Variants in SIRPA observed in about 807,000 individuals in gnomAD.
The protein encoded by SIRPA is tyrosine-protein phosphatase non-receptor type substrate 1.
In SIRPA, 9 loss-of-function variants were observed where a neutral mutation model predicts 50.3. That is an observed-to-expected ratio of 0.18 (90% CI 0.11 to 0.31). The LOEUF (loss-of-function observed/expected upper bound fraction) is 0.31, where lower values mean the gene tolerates loss of function less well. Ranked by LOEUF, SIRPA falls within the 10% of genes least tolerant of loss-of-function variation. The probability of loss-of-function intolerance (pLI) is 1.00; values close to 1 mark genes in which losing one functional copy is unlikely to be tolerated. For synonymous variants in SIRPA, 265 were observed against 284.1 expected, an observed-to-expected ratio of 0.93 and a Z score of 0.68; for missense variants, 474 against 661.6, an observed-to-expected ratio of 0.72 and a Z score of 3.11.
At chr20:1,926,832 C>G (rs1285132355) in intron 5 of SIRPA, among the ~76,000 whole-genome samples, 1 of 152,212 alleles carries the variant, frequency 6.6e-6, no homozygotes, top group East Asian at 1.9e-4. Flanking sequence ...CTAGACCCCC[C>G]TTCTCCCTCA....
chr20:1,908,494 C>G (rs942695150), intron 1 of SIRPA, among the ~76,000 whole-genome samples: 2 of 152,114 alleles, frequency 1.3e-5, no homozygotes, highest in African/African-American at 4.8e-5. Flanking sequence ...TTCACATGCC[C>G]ACGCCCATGA....
At chr20:1,900,103 CTTT>C (rs11481009) in intron 1 of SIRPA, among the ~76,000 whole-genome samples, 2 of 127,186 alleles carry the variant, frequency 1.6e-5, no homozygotes, top group African/African-American at 6.1e-5. Context: ...TTTTTTTTTT[CTTT>C]TTTTTTTTTT....
intron 1 of SIRPA, among the ~76,000 whole-genome samples, chr20:1,908,405 C>T (rs1051312855): frequency 6.6e-6 from 1 of 152,018 alleles, no homozygotes; most frequent in Non-Finnish European, 1.5e-5. Context: ...GCATGCCGCT[C>T]CTGCATCACT....
chr20:1,924,738 A>C lies in SIRPA; in HGVS notation c.1088-26A>C. The C allele has an allele frequency of 6.3e-7, 1 of 1,587,806 alleles. No individual in the cohort carries two copies. Among genetic ancestry groups the C allele is most frequent in the Non-Finnish European group, 8.6e-7 (1 of 1,156,814 alleles). On this transcript the variant is annotated intron_variant, in intron 4 of 7. Coordinates refer to ENST00000358771, the MANE Select transcript of SIRPA (RefSeq NM_001040023.2). The surrounding 1 kb of genome is among the most constrained non-coding windows in gnomAD (Gnocchi z 4.5). ...TTTCTGTTTTTAATCTGCATACGTG[A>C]AGCCTCTATTCCATGTGGTCCCTAG... is the stretch of plus-strand genomic sequence containing the variant.
At chr20:1,930,225 C>T (rs1014000032) in intron 6 of SIRPA, among the ~76,000 whole-genome samples, 1 of 152,230 alleles carries the variant, frequency 6.6e-6, no homozygotes, top group African/African-American at 2.4e-5. Context: ...ACGACATCCT[C>T]CAGGGTCGGA....
chr20:1,901,327 C>T (rs1366990550), intron 1 of SIRPA, among the ~76,000 whole-genome samples: 1 of 151,902 alleles, frequency 6.6e-6, no homozygotes, highest in African/African-American at 2.4e-5. Flanking sequence ...CACACCGTCA[C>T]GCCCAGCTAA....
At chr20:1,903,004 T>A (rs1231488564) in intron 1 of SIRPA, among the ~76,000 whole-genome samples, 12 of 118,538 alleles carry the variant, frequency 1.0e-4, no homozygotes, top group African/African-American at 4.1e-4. Flanking sequence ...AGAGCAAGAC[T>A]CTGTCTCAAA....
At chr20:1,922,805 A>G (rs1393062899) in intron 4 of SIRPA, among the ~76,000 whole-genome samples, 160 bp downstream of exon 4, 1 of 152,204 alleles carries the variant, frequency 6.6e-6, no homozygotes, top group Non-Finnish European at 1.5e-5. Context: ...CAAATCCCAC[A>G]CTCCAAGAGT....
Position 1,936,235 on chromosome 20 carries a change from G to C in SIRPA, c.1267-1085G>C, listed in dbSNP as rs552113240. 6.6e-6 allele frequency among the ~76,000 whole-genome samples: 1 copy of C among 152,178 alleles called. No homozygotes were observed. The highest frequency in any genetic ancestry group is 2.4e-5 in the African/African-American group (1 of 41,448). On this transcript the variant is annotated intron_variant, in intron 7 of 7. Coordinates refer to ENST00000358771, the MANE Select transcript of SIRPA (RefSeq NM_001040023.2). This position sits in a 1 kb window ranked among gnomAD's most constrained non-coding sequence, Gnocchi z 4.2. ...GGAGCAAAGTTTATCATTCATGATG[G>C]GCGCTTTTGAGGCGGCAGTGGCAGG...
chr20:1,913,061 A>G (rs1487069144), intron 1 of SIRPA, among the ~76,000 whole-genome samples: 1 of 152,232 alleles, frequency 6.6e-6, no homozygotes, highest in Non-Finnish European at 1.5e-5. Context: ...CTCCTGTGCC[A>G]TGAAGATCTT....
intron 1 of SIRPA, among the ~76,000 whole-genome samples, chr20:1,908,023 T>G (rs1226545564): frequency 6.6e-6 from 1 of 152,152 alleles, no homozygotes; most frequent in East Asian, 1.9e-4. Flanking sequence ...CAGCACATAG[T>G]AAGTAGGTGC....
At chr20:1,912,388 T>G (rs1984944236) in intron 1 of SIRPA, among the ~76,000 whole-genome samples, 1 of 152,212 alleles carries the variant, frequency 6.6e-6, no homozygotes, top group Non-Finnish European at 1.5e-5. Context: ...GATATGCCAG[T>G]ATCAACTCCA....
chr20:1,937,271 C>T lies in SIRPA; in HGVS notation c.1267-49C>T. The T allele has an allele frequency of 6.3e-7, 1 of 1,584,650 alleles. No homozygotes were observed. On this transcript the variant is annotated intron_variant, in intron 7 of 7. Transcript: ENST00000358771. The surrounding 1 kb of genome is among the most constrained non-coding windows in gnomAD (Gnocchi z 8.3). ...TCAGTTTGAGTGAGTGGGCCAGGGG[C>T]TATAGAATGACCTTCTCATGACTTT...
In SIRPA at chr20:1,933,442, A is replaced by G. The variant is rs1013057756; in HGVS notation, c.1227-1273A>G. Among the ~76,000 whole-genome samples, 1 of 149,280 alleles carries G rather than the reference A, an allele frequency of 6.7e-6. No homozygotes were observed. On this transcript the variant is annotated intron_variant, in intron 6 of 7. Coordinates refer to ENST00000358771, the MANE Select transcript of SIRPA (RefSeq NM_001040023.2). This position sits in a 1 kb window ranked among gnomAD's most constrained non-coding sequence, Gnocchi z 4.4. ...ATCTGGTGGGCAGATGAGTGGGTAC[A>G]TGAGGGCAGGGCAGTGAATTAGCCT...
At position 1,937,686 on chromosome 20, in the gene SIRPA, G is replaced by C; in HGVS notation, c.*118G>C. 7.2e-7 allele frequency: 1 copy of C among 1,385,326 alleles called. No homozygotes were observed. The highest frequency in any genetic ancestry group is 9.8e-7 in the Non-Finnish European group (1 of 1,025,382). 85.8% of individuals were successfully genotyped at this position (1,385,326 alleles called of 1,614,324 possible). A position where few individuals can be genotyped will look rare whatever the true frequency, so the allele number is the denominator to read the frequency against. ...AGGGCTGGGGCGGTGCAGGCTCTGG[G>C]ACCCAGGGGCCAGGGTGGCTCTTCT... On this transcript the variant is annotated 3_prime_UTR_variant, in exon 8 of 8. Transcript: ENST00000358771. This position sits in a 1 kb window ranked among gnomAD's most constrained non-coding sequence, Gnocchi z 8.3.
intron 2 of SIRPA, among the ~76,000 whole-genome samples, 187 bp from the exon 3 acceptor site, chr20:1,921,208 C>T (rs1459889664): frequency 1.3e-5 from 2 of 152,178 alleles, no homozygotes; most frequent in Admixed American, 6.5e-5. Context: ...TCACATGGGT[C>T]CTCACCTCTC....
At position 1,921,515 on chromosome 20, in the gene SIRPA, A is replaced by G. The variant is rs752293944; in HGVS notation, c.557A>G (p.Lys186Arg). The G allele has an allele frequency of 1.9e-6, 3 of 1,614,018 alleles. No individual in the cohort carries two copies. The highest frequency in any genetic ancestry group is 2.2e-5 in the East Asian group (1 of 44,896). The change falls in exon 3 of 8, where the codon AAA (lysine) becomes AGA (arginine). Residue 186 changes from lysine to arginine, a missense_variant. This residue lies in a region of SIRPA where 221 missense variants were observed against 359.9 expected (regional missense o/e 0.61). Coordinates refer to ENST00000358771, the MANE Select transcript of SIRPA (RefSeq NM_001040023.2). ...AGAGACATCACCCTGAAATGGTTCA[A>G]AAATGGGAATGAGCTCTCAGACTTC... is the stretch of plus-strand genomic sequence containing the variant. ...SPRDITLKWF[K>R]NGNELSDFQT...
chr20:1,896,047 C>T (rs1278602852), intron 1 of SIRPA, among the ~76,000 whole-genome samples: 1 of 152,204 alleles, frequency 6.6e-6, no homozygotes, highest in Non-Finnish European at 1.5e-5. Flanking sequence ...CAGAGTAAAC[C>T]GGTGTTAGTG....
chr20:1,899,427 C>CA (rs1425306933), intron 1 of SIRPA, among the ~76,000 whole-genome samples: 1 of 152,194 alleles, frequency 6.6e-6, no homozygotes, highest in Non-Finnish European at 1.5e-5. Context: ...AGCTGGGTCA[C>CA]ATTTACTCCA....
Sources: allele counts gnomAD v4.1 joint callset (sites outside exome capture counted in the v4.1 genomes callset), GRCh38; gene constraint gnomAD v4.1.1; regional missense constraint gnomAD v4.1.1; non-coding constraint Gnocchi (gnomAD v3.1); transcripts MANE v1.5; gene names NCBI Gene and HGNC (gene_info 2026-07-23, HGNC 2026-07-21).